CDH12: variants seen among roughly 807,000 people sequenced by gnomAD.
The protein encoded by CDH12 is cadherin 12, also known as cadherin-12.
A neutral mutation model predicts 74.1 loss-of-function variants in CDH12; 41 were observed. The observed-to-expected ratio is 0.55, with a 90% CI of 0.43 to 0.72. The LOEUF (loss-of-function observed/expected upper bound fraction) is 0.72. Among genes scored for constraint, CDH12 ranks in the 30% least tolerant of loss-of-function variants. The pLI is 0.00. For synonymous variants in CDH12, 399 were observed against 355.0 expected (o/e 1.12, Z -1.39); for missense variants, 945 against 977.2 (o/e 0.97, Z 0.44).
At chr5:22,117,512 A>ATATAAT (rs1554012043) in intron 4 of CDH12, among the ~76,000 whole-genome samples, 2 of 58,616 alleles carry the variant, frequency 3.4e-5, no homozygotes, top group South Asian at 4.6e-4. Flanking sequence ...ATATATATAT[A>ATATAAT]ATATATATAT....
chr5:22,000,926 A>G (rs546246717), intron 5 of CDH12, among the ~76,000 whole-genome samples: 1 of 152,190 alleles, frequency 6.6e-6, no homozygotes, highest in South Asian at 2.1e-4. Context: ...ATTATTAGAA[A>G]AAAGAAGTAA....
intron 10 of CDH12, among the ~76,000 whole-genome samples, chr5:21,798,657 A>G (rs1334864866): frequency 6.6e-6 from 1 of 151,208 alleles, no homozygotes; most frequent in Non-Finnish European, 1.5e-5. Context: ...TGCCCTTCTA[A>G]CCAAGACCCA....
At position 22,729,278 on chromosome 5, in the gene CDH12, C is replaced by T. The variant is rs575962024; in HGVS notation, c.-523+123780G>A. ...TTTCCAAATTCCCTGTTGAGGAAAG[C>T]TATTTCCTTCTTATCTGTTCGATGG... On this transcript the variant is annotated intron_variant, in intron 1 of 14. Transcript: ENST00000382254. 9.9e-5 allele frequency among the ~76,000 whole-genome samples: 15 copies of T among 151,856 alleles called. No homozygotes were observed. The East Asian group carries it at 2.7e-3, about 28-fold the overall frequency.
intron 3 of CDH12, chr5:22,213,634 CT>C (rs1324569259): frequency 2.6e-5 from 4 of 152,130 alleles, no homozygotes; most frequent in African/African-American, 9.7e-5. Flanking sequence ...TCCTAGTTCC[CT>C]GAAGAGATCT....
intron 6 of CDH12, chr5:21,883,153 A>G (rs1179125313): frequency 6.6e-7 from 1 of 1,522,780 alleles, no homozygotes; most frequent in Non-Finnish European, 9.1e-7. Flanking sequence ...ATCATCTCTG[A>G]TGCAATGAAA....
intron 1 of CDH12, among the ~76,000 whole-genome samples, chr5:22,674,942 G>A (rs1483179728): frequency 1.3e-5 from 2 of 152,062 alleles, no homozygotes; most frequent in African/African-American, 2.4e-5. Flanking sequence ...GTTTTAAAAG[G>A]GAAACAGAGC....
intron 1 of CDH12, among the ~76,000 whole-genome samples, chr5:22,821,080 A>T (rs1270130796): frequency 6.6e-6 from 1 of 152,164 alleles, no homozygotes; most frequent in Non-Finnish European, 1.5e-5. Flanking sequence ...CTGGTTCAAC[A>T]TACGCAAATC....
chr5:22,826,902 G>T lies in CDH12; in HGVS notation c.-523+26156C>A, dbSNP rs181909009. On this transcript the variant is annotated intron_variant, in intron 1 of 14. Transcript: ENST00000382254. ...AAACTTGCAGTCTGACAATGCAATAGTAAAGAAAATCCCATTTTCTGAGGA... is the reference window on the plus strand; with the variant it reads ...AAACTTGCAGTCTGACAATGCAATATTAAAGAAAATCCCATTTTCTGAGGA... Among the ~76,000 whole-genome samples, 470 of 152,332 alleles carry T rather than the reference G, an allele frequency of 3.1e-3. 1 individual carries two copies. The highest frequency in any genetic ancestry group is 0.017 in the South Asian group (82 of 4,816).
rs1284036586 is a variant in CDH12, at chr5:21,752,430, T to C, written c.1886-194A>G. On this transcript the variant is annotated intron_variant, in intron 14 of 14. Transcript: ENST00000382254. ...GAAATTGTTAACTAACAAGAAACCA[T>C]AGCAAAGTTATTCACAAAATGAAAC... Among the ~76,000 whole-genome samples, 6 of 152,250 alleles carry C rather than the reference T, an allele frequency of 3.9e-5. No individual in the cohort carries two copies. In the East Asian group the frequency reaches 1.2e-3, roughly 29 times the overall value.
intron 2 of CDH12, among the ~76,000 whole-genome samples, chr5:22,436,860 A>T (rs1272228744): frequency 6.6e-6 from 1 of 152,180 alleles, no homozygotes; most frequent in Non-Finnish European, 1.5e-5. Flanking sequence ...ATGATTACTC[A>T]GCACAACAAA....
intron 1 of CDH12, among the ~76,000 whole-genome samples, chr5:22,516,848 A>T (rs763612173): frequency 6.6e-6 from 1 of 152,148 alleles, no homozygotes; most frequent in Non-Finnish European, 1.5e-5. Flanking sequence ...AACTAGAAAA[A>T]AATGAAAAAA....
At chr5:22,852,134 A>C (rs2126544021) in intron 1 of CDH12, among the ~76,000 whole-genome samples, 1 of 152,322 alleles carries the variant, frequency 6.6e-6, no homozygotes, top group African/African-American at 2.4e-5. Context: ...ATGAGCTTCA[A>C]AATACTCGAT....
intron 1 of CDH12, among the ~76,000 whole-genome samples, chr5:22,811,028 C>A (rs997682490): frequency 6.6e-6 from 1 of 150,802 alleles, no homozygotes; most frequent in Non-Finnish European, 1.5e-5. Context: ...TACATATGTA[C>A]ATACATAAAT....
chr5:22,741,769 T>C (rs1745035885), intron 1 of CDH12, among the ~76,000 whole-genome samples: 1 of 152,162 alleles, frequency 6.6e-6, no homozygotes, highest in South Asian at 2.1e-4. Flanking sequence ...AGTGATACAC[T>C]AATCTCTAAC....
At chr5:22,196,147 AT>A (rs71609752) in intron 4 of CDH12, among the ~76,000 whole-genome samples, 54,691 of 131,806 alleles carry the variant, frequency 0.41, 10,105 homozygotes, top group Admixed American at 0.49. Context: ...TCTGCATGTA[AT>A]TTTTTTTTTT....
At chr5:22,551,984 T>G (rs2126734816) in intron 1 of CDH12, among the ~76,000 whole-genome samples, 1 of 152,258 alleles carries the variant, frequency 6.6e-6, no homozygotes, top group African/African-American at 2.4e-5. Context: ...TTCCTATTGT[T>G]GTTTTTTGGC....
chr5:21,868,297 C>G (rs902642901), intron 6 of CDH12, among the ~76,000 whole-genome samples: 12 of 152,250 alleles, frequency 7.9e-5, no homozygotes, highest in African/African-American at 2.6e-4. Context: ...ATGCCTTTAT[C>G]AGCAGTGTAA....
intron 4 of CDH12, among the ~76,000 whole-genome samples, chr5:22,210,648 A>T (rs1254405252): frequency 2.0e-5 from 3 of 152,112 alleles, no homozygotes; most frequent in South Asian, 2.1e-4. Context: ...CCTTCAATGG[A>T]CGTACTCTGG....
intron 2 of CDH12, among the ~76,000 whole-genome samples, chr5:22,412,999 G>T (rs944696807): frequency 6.6e-6 from 1 of 151,866 alleles, no homozygotes; most frequent in Non-Finnish European, 1.5e-5. Context: ...AGCTATCATT[G>T]TCTTTCATTG....
Sources: allele counts gnomAD v4.1 joint callset (sites outside exome capture counted in the v4.1 genomes callset), GRCh38; gene constraint gnomAD v4.1.1; transcripts MANE v1.5; gene names NCBI Gene and HGNC (gene_info 2026-07-23, HGNC 2026-07-21).